ALOX5AP: variants seen among roughly 807,000 people sequenced by gnomAD.
ALOX5AP encodes the protein arachidonate 5-lipoxygenase activating protein, also known as arachidonate 5-lipoxygenase-activating protein.
Under a neutral mutation model 18.5 loss-of-function variants are expected in ALOX5AP, and 9 were observed. The observed-to-expected ratio is 0.49, with a 90% CI of 0.29 to 0.85. The LOEUF is 0.85. ALOX5AP is among the 40% of genes least tolerant of loss of function. The pLI is 0.08. For missense variants in ALOX5AP, 172 were observed against 202.5 expected, an observed-to-expected ratio of 0.85 and a Z score of 0.91; for synonymous variants, 81 against 78.6, an observed-to-expected ratio of 1.03 and a Z score of -0.16.
At chr13:30,743,408 T>C (rs116700812) in intron 1 of ALOX5AP, among the ~76,000 whole-genome samples, 76 of 152,242 alleles carry the variant, frequency 5.0e-4, no homozygotes, top group African/African-American at 1.7e-3. Flanking sequence ...GCAAGCTAAA[T>C]GTCTGGCATG....
In ALOX5AP at chr13:30,719,680, G is replaced by A. The variant is rs553846186; in HGVS notation, c.116+5839G>A. Among the ~76,000 whole-genome samples, 6 of 152,252 alleles carry A rather than the reference G, an allele frequency of 3.9e-5. No homozygotes were observed. In the East Asian group the frequency reaches 9.6e-4, roughly 24 times the overall value. On this transcript the variant is annotated intron_variant, in intron 1 of 5. Coordinates refer to the ALOX5AP transcript ENST00000617770. ...CAGGGTCATCTTTTGCTATGTCATA[G>A]GTTGTTGGCTTCTTCTAGAGAAGTG... is the stretch of plus-strand genomic sequence containing the variant.
chr13:30,755,440 C>A (rs17239214), intron 3 of ALOX5AP, among the ~76,000 whole-genome samples: 1 of 152,252 alleles, frequency 6.6e-6, no homozygotes, highest in African/African-American at 2.4e-5. Context: ...CACGTTTCCA[C>A]ATCTGGAAAT....
chr13:30,740,458 A>C (rs1951754056), intron 1 of ALOX5AP, among the ~76,000 whole-genome samples: 1 of 152,146 alleles, frequency 6.6e-6, no homozygotes, highest in South Asian at 2.1e-4. Flanking sequence ...CCATCTCTCT[A>C]TCTGTGTCTT....
intron 2 of ALOX5AP, among the ~76,000 whole-genome samples, chr13:30,749,697 T>C (rs1236830451): frequency 1.3e-5 from 2 of 152,228 alleles, no homozygotes; most frequent in Non-Finnish European, 2.9e-5. Context: ...CAGAGCACTT[T>C]GCAAGGTCAG....
rs143706085 is a variant in ALOX5AP at position 30,744,143 on chromosome 13, C to A, written c.154C>A (p.Arg52=). 7.1e-5 allele frequency: 115 copies of A among 1,613,586 alleles called. No homozygotes were observed. The highest frequency in any genetic ancestry group is 2.7e-4 in the African/African-American group (20 of 74,840). ...FQRTGTLAFE[R]VYTANQNCVD... ...GAGGACCGGAACACTTGCCTTTGAG[C>A]GGGTCTACACTGCCAAGTGAGTCCT... is the stretch of plus-strand genomic sequence containing the variant. The change falls in exon 2 of 5, where the codon CGG becomes AGG. Residue 52 remains arginine (R), a synonymous_variant. Transcript: ENST00000380490.
At chr13:30,736,873 C>G (rs1044056884) in intron 1 of ALOX5AP, among the ~76,000 whole-genome samples, 6 of 152,248 alleles carry the variant, frequency 3.9e-5, no homozygotes, top group Admixed American at 3.3e-4. Context: ...TGATTTCACA[C>G]AGGGCTCCCT....
In ALOX5AP at chr13:30,764,160, T is replaced by A; in HGVS notation, c.*54T>A. The A allele has an allele frequency of 1.3e-6, 2 of 1,554,630 alleles. No homozygotes were observed. The highest frequency in any genetic ancestry group is 2.4e-5 in the South Asian group (2 of 84,034). ...TCATCTAATCAATACCTACAAGTCA[T>A]CATAATTCAGCTCTTGAGAGCATTC... On this transcript the variant is annotated 3_prime_UTR_variant, in exon 5 of 5. Coordinates refer to ENST00000380490, the MANE Select transcript of ALOX5AP (RefSeq NM_001629.4).
At chr13:30,731,021 G>A (rs929153956), upstream of ALOX5AP, among the ~76,000 whole-genome samples, 8 of 152,178 alleles carry the variant, frequency 5.3e-5, no homozygotes, top group African/African-American at 1.9e-4. Context: ...TGGGAGCAGG[G>A]GATGGGTGGG....
chr13:30,744,515 C>T (rs1951793537), intron 2 of ALOX5AP: 4 of 171,656 alleles, frequency 2.3e-5, no homozygotes, highest in Admixed American at 2.3e-4. Flanking sequence ...TCACCAGTCA[C>T]CTTCAGAAGC....
At chr13:30,747,916 G>GC (rs1364056665) in intron 2 of ALOX5AP, among the ~76,000 whole-genome samples, 1 of 151,814 alleles carries the variant, frequency 6.6e-6, no homozygotes, top group Non-Finnish European at 1.5e-5. Context: ...CTTTCTTTCT[G>GC]TTTTTTATTT....
At chr13:30,754,521 A>G (rs962356512) in intron 3 of ALOX5AP, among the ~76,000 whole-genome samples, 2 of 151,718 alleles carry the variant, frequency 1.3e-5, no homozygotes, top group African/African-American at 2.4e-5. Context: ...TGCTTGGCAT[A>G]TATCAGATTG....
chr13:30,725,459 T>C (rs565896882), intron 1 of ALOX5AP, among the ~76,000 whole-genome samples: 1 of 152,224 alleles, frequency 6.6e-6, no homozygotes, highest in African/African-American at 2.4e-5. Flanking sequence ...GGCAGGGCTA[T>C]GTATGGACAC....
chr13:30,747,498 A>C (rs1399152045), intron 2 of ALOX5AP, among the ~76,000 whole-genome samples: 2 of 152,178 alleles, frequency 1.3e-5, no homozygotes, highest in African/African-American at 2.4e-5. Context: ...AACACAGTTT[A>C]ATGTCCTATT....
chr13:30,728,877 T>C (rs1481233795), intron 1 of ALOX5AP, among the ~76,000 whole-genome samples: 1 of 152,158 alleles, frequency 6.6e-6, no homozygotes, highest in Non-Finnish European at 1.5e-5. Flanking sequence ...AAAAAGAAAC[T>C]GTCAAACTCT....
upstream of ALOX5AP, among the ~76,000 whole-genome samples, chr13:30,732,752 C>T (rs555245536): frequency 2.6e-5 from 4 of 151,804 alleles, no homozygotes; most frequent in South Asian, 4.2e-4. Flanking sequence ...AGAGAGAATA[C>T]GTTTGACATG....
chr13:30,736,893 A>G (rs1951726228), intron 1 of ALOX5AP, among the ~76,000 whole-genome samples: 1 of 152,230 alleles, frequency 6.6e-6, no homozygotes, highest in Non-Finnish European at 1.5e-5. Flanking sequence ...TTGGCCCTGT[A>G]AATTGGCAAG....
rs995699518 is a variant in ALOX5AP at position 30,714,064 on chromosome 13, T to A, written c.116+223T>A. ...TATTCCATAAATCTGAATTATGGTG[T>A]CAGACTCCTAGCATACACTAAAGGA... is the stretch of plus-strand genomic sequence containing the variant. On this transcript the variant is annotated intron_variant, in intron 1 of 5. Transcript: ENST00000617770. Among the ~76,000 whole-genome samples the A allele has an allele frequency of 4.6e-5, 7 of 152,200 alleles. 1 individual carries two copies. Among genetic ancestry groups the A allele is most frequent in the Non-Finnish European group, 1.0e-4 (7 of 68,042 alleles).
At chr13:30,719,709 C>T (rs965521253) in intron 1 of ALOX5AP, among the ~76,000 whole-genome samples, 2 of 152,240 alleles carry the variant, frequency 1.3e-5, no homozygotes, top group Non-Finnish European at 1.5e-5. Flanking sequence ...AGAAGTGAGA[C>T]GATGGACAAG....
chr13:30,746,866 G>A (rs1279109189), intron 2 of ALOX5AP, among the ~76,000 whole-genome samples: 3 of 152,182 alleles, frequency 2.0e-5, no homozygotes, highest in African/African-American at 7.2e-5. Flanking sequence ...CATGGGGTGT[G>A]GGATCATAAA....
Sources: gnomAD v4.1 joint callset for allele counts (sites outside exome capture counted in the v4.1 genomes callset) on GRCh38, gnomAD v4.1.1 for gene constraint, MANE v1.5 for transcripts, NCBI Gene and HGNC (gene_info 2026-07-23, HGNC 2026-07-21) for gene names.